Variants in SCARA5 observed in about 807,000 individuals in gnomAD.
SCARA5 encodes scavenger receptor class A, member 5 (putative).
SCARA5 carries 45 observed loss-of-function variants against 46.3 expected under a neutral mutation model. That is an observed-to-expected ratio of 0.97 (90% CI 0.76 to 1.24). SCARA5 has a LOEUF of 1.24. SCARA5 is among the 50% of genes most tolerant of loss of function. The pLI, the probability that SCARA5 is intolerant of heterozygous loss-of-function variation, is 0.00. For missense variants in SCARA5, 680 were observed against 689.0 expected, an observed-to-expected ratio of 0.99 and a Z score of 0.15; for synonymous variants, 333 against 306.5, an observed-to-expected ratio of 1.09 and a Z score of -0.90.
chr8:27,896,981 A>G (rs1807074056), intron 7 of SCARA5, among the ~76,000 whole-genome samples: 1 of 152,114 alleles, frequency 6.6e-6, no homozygotes, highest in African/African-American at 2.4e-5. Context: ...AATCCCAGCT[A>G]CTTAGGAGGC....
chr8:27,970,854 A>T (rs550278700), intron 2 of SCARA5, among the ~76,000 whole-genome samples: 12 of 152,326 alleles, frequency 7.9e-5, no homozygotes, highest in African/African-American at 2.9e-4. Context: ...TGCAAAATTT[A>T]TCTGAAAAAA....
chr8:27,966,130 G>C (rs1221805500), intron 3 of SCARA5, among the ~76,000 whole-genome samples: 1 of 152,172 alleles, frequency 6.6e-6, no homozygotes, highest in South Asian at 2.1e-4. Context: ...GGGAGGCCCA[G>C]TGTAATGCAC....
chr8:27,899,227 C>T (rs1807112428), intron 7 of SCARA5, among the ~76,000 whole-genome samples: 1 of 152,186 alleles, frequency 6.6e-6, no homozygotes, highest in South Asian at 2.1e-4. Context: ...TCACTAACTC[C>T]AGGTTGATTA....
At chr8:27,885,033 C>A in intron 7 of SCARA5, among the ~76,000 whole-genome samples, 1 of 129,200 alleles carries the variant, frequency 7.7e-6, no homozygotes, top group Admixed American at 7.3e-5. Flanking sequence ...GCCGGGTGGA[C>A]AAGGAAGGAA....
intron 2 of SCARA5, among the ~76,000 whole-genome samples, chr8:27,977,318 C>T (rs1011006460): frequency 6.6e-6 from 1 of 152,132 alleles, no homozygotes; most frequent in Non-Finnish European, 1.5e-5. Flanking sequence ...ACCCAGGACT[C>T]CCCAGGCCCC....
chr8:27,871,603 A>G lies in SCARA5; in HGVS notation c.*331T>C. ...GACACATTCTCAGCATTCACCTGTA[A>G]CTAAAAGGCCAAAGGGAACTGGGAT... On this transcript the variant is annotated 3_prime_UTR_variant, in exon 9 of 9. Coordinates refer to ENST00000354914, the MANE Select transcript of SCARA5 (RefSeq NM_173833.6). 1 of 1,175,294 alleles carries G rather than the reference A, an allele frequency of 8.5e-7. No homozygotes were observed. Among genetic ancestry groups the G allele is most frequent in the Non-Finnish European group, 1.1e-6 (1 of 944,640 alleles). The allele number at this position is 1,175,294 out of a possible 1,614,324, so 72.8% of individuals were successfully genotyped here.
chr8:27,978,587 C>T (rs1013661984), intron 2 of SCARA5, among the ~76,000 whole-genome samples: 1 of 151,970 alleles, frequency 6.6e-6, no homozygotes, highest in African/African-American at 2.4e-5. Context: ...TCACAGCTCA[C>T]TGCAGCCTTG....
intron 7 of SCARA5, 58 bp from the exon 8 acceptor site, chr8:27,879,824 G>A: frequency 1.3e-6 from 2 of 1,563,608 alleles, no homozygotes; most frequent in Non-Finnish European, 1.7e-6. Flanking sequence ...CCCGCCCCCA[G>A]GGGCCTTCTT....
At position 27,940,659 on chromosome 8, in the gene SCARA5, C is replaced by T. The variant is rs1238739255; in HGVS notation, c.242-18414G>A. ...CCACCCACCCACCCATCCATTTGTCCATCCATCCATTTGTCCACCCATCTG... is the reference window on the plus strand; with the variant it reads ...CCACCCACCCACCCATCCATTTGTCTATCCATCCATTTGTCCACCCATCTG... On this transcript the variant is annotated intron_variant, in intron 3 of 8. Coordinates refer to ENST00000354914, the MANE Select transcript of SCARA5 (RefSeq NM_173833.6). 2.3e-5 allele frequency among the ~76,000 whole-genome samples: 3 copies of T among 131,612 alleles called. No homozygotes were observed. In the South Asian group the frequency reaches 8.6e-4, roughly 38 times the overall value. The allele number at this position is 131,612 out of a possible 152,430, so 86.3% of individuals were successfully genotyped here.
chr8:27,989,877 A>G (rs1328818607), intron 1 of SCARA5, among the ~76,000 whole-genome samples: 1 of 152,140 alleles, frequency 6.6e-6, no homozygotes, highest in South Asian at 2.1e-4. Flanking sequence ...CCCTCATTTC[A>G]TGAGCACTGT....
chr8:27,925,088 A>T (rs1236553647), intron 3 of SCARA5, among the ~76,000 whole-genome samples: 1 of 152,226 alleles, frequency 6.6e-6, no homozygotes, highest in East Asian at 1.9e-4. Context: ...ATTCAATGCC[A>T]TCCCCATCAA....
chr8:27,968,525 A>AT (rs1808402540), intron 2 of SCARA5, among the ~76,000 whole-genome samples: 2 of 152,020 alleles, frequency 1.3e-5, no homozygotes, highest in African/African-American at 4.8e-5. Flanking sequence ...CATTTCTTTT[A>AT]TTTTTTTCCT....
intron 3 of SCARA5, among the ~76,000 whole-genome samples, chr8:27,956,320 G>T (rs917224004): frequency 5.9e-5 from 9 of 152,126 alleles, no homozygotes; most frequent in Non-Finnish European, 1.3e-4. Flanking sequence ...ATATATAAAA[G>T]GAGAGAAAAG....
chr8:27,953,884 C>G (rs1051291746), intron 3 of SCARA5, among the ~76,000 whole-genome samples: 1 of 152,126 alleles, frequency 6.6e-6, no homozygotes, highest in African/African-American at 2.4e-5. Flanking sequence ...AAGCAATAGG[C>G]ATCAAGAGCC....
intron 3 of SCARA5, among the ~76,000 whole-genome samples, chr8:27,954,330 C>T (rs1808175669): frequency 6.6e-6 from 1 of 152,144 alleles, no homozygotes; most frequent in African/African-American, 2.4e-5. Flanking sequence ...ACAACCCCAA[C>T]AACATTAAGG....
chr8:27,923,909 C>CA (rs748867548), intron 3 of SCARA5, among the ~76,000 whole-genome samples: 41 of 152,148 alleles, frequency 2.7e-4, no homozygotes, highest in Non-Finnish European at 5.0e-4. Context: ...TCCTCTTCAG[C>CA]AAAAAACCCA....
chr8:27,983,429 C>CA (rs980925587), intron 2 of SCARA5, among the ~76,000 whole-genome samples: 1 of 152,156 alleles, frequency 6.6e-6, no homozygotes, highest in African/African-American at 2.4e-5. Flanking sequence ...GTCTATTTCC[C>CA]AATTGGTTCC....
intron 7 of SCARA5, among the ~76,000 whole-genome samples, chr8:27,889,664 T>C (rs552314208): frequency 6.6e-6 from 1 of 152,310 alleles, no homozygotes; most frequent in South Asian, 2.1e-4. Flanking sequence ...TGAAAAACAA[T>C]TACTTTAACC....
intron 1 of SCARA5, among the ~76,000 whole-genome samples, chr8:27,990,933 T>C (rs1350187667): frequency 6.6e-6 from 1 of 152,234 alleles, no homozygotes; most frequent in East Asian, 1.9e-4. Flanking sequence ...CCAGACAATT[T>C]CACCCAAGGC....
Sources: gnomAD v4.1 joint callset for allele counts (sites outside exome capture counted in the v4.1 genomes callset) on GRCh38, gnomAD v4.1.1 for gene constraint, MANE v1.5 for transcripts, NCBI Gene and HGNC (gene_info 2026-07-23, HGNC 2026-07-21) for gene names.